The following TOM1 variants were observed in gnomAD, a reference collection of about 807,000 sequenced individuals.
The protein encoded by TOM1 is target of myb1 membrane trafficking protein.
In TOM1, 38 loss-of-function variants were observed where a neutral mutation model predicts 61.3. The observed-to-expected ratio is 0.62, with a 90% CI of 0.48 to 0.81. The LOEUF (loss-of-function observed/expected upper bound fraction) is 0.81. Among genes scored for constraint, TOM1 ranks in the 40% least tolerant of loss-of-function variants. TOM1 has a pLI of 0.00. For synonymous variants in TOM1, 270 were observed against 268.8 expected (o/e 1.00, Z -0.04); for missense variants, 591 against 659.6 (o/e 0.90, Z 1.14).
chr22:35,317,204 T>C (rs1927370122), intron 1 of TOM1, among the ~76,000 whole-genome samples: 1 of 152,180 alleles, frequency 6.6e-6, no homozygotes, highest in South Asian at 2.1e-4. Flanking sequence ...GTTTGTTTGT[T>C]TGTTTTGGAG....
intron 8 of TOM1, among the ~76,000 whole-genome samples, chr22:35,332,603 CACAT>C (rs888939907): frequency 0.04 from 1,216 of 30,704 alleles, 11 homozygotes; most frequent in South Asian, 0.059. Context: ...CACACACACA[CACAT>C]ACACACACAC....
At chr22:35,314,403 A>C (rs774076895) in intron 1 of TOM1, among the ~76,000 whole-genome samples, 16 of 152,084 alleles carry the variant, frequency 1.1e-4, no homozygotes, top group Admixed American at 3.3e-4. Context: ...CTCATGGCTC[A>C]GGAGCTTGCC....
chr22:35,323,373 G>A lies in TOM1; in HGVS notation c.367-123G>A. ...GCGTGCTTTGCTGTGGAGTGGGCAG[G>A]GCAGATGTAGTTAAAAAAAAAAAAA... On this transcript the variant is annotated intron_variant, in intron 4 of 14. Transcript: ENST00000449058. This position sits in a 1 kb window ranked among gnomAD's most constrained non-coding sequence, Gnocchi z 4.2. The A allele has an allele frequency of 1.4e-6, 2 of 1,408,772 alleles. No individual in the cohort carries two copies. Among genetic ancestry groups the A allele is most frequent in the Non-Finnish European group, 1.9e-6 (2 of 1,036,314 alleles). 87.3% of individuals were successfully genotyped at this position (1,408,772 alleles called of 1,614,324 possible).
At chr22:35,327,437 GC>G in intron 7 of TOM1, 50 bp downstream of exon 7, 1 of 1,287,156 alleles carries the variant, frequency 7.8e-7, no homozygotes, top group Non-Finnish European at 1.1e-6. Flanking sequence ...CTGCCCAGCT[GC>G]CCACATGCAT....
chr22:35,317,274 C>G, intron 1 of TOM1, among the ~76,000 whole-genome samples: 1 of 152,164 alleles, frequency 6.6e-6, no homozygotes, highest in East Asian at 1.9e-4. Flanking sequence ...TTTGCAACCT[C>G]CGCCTCCTGG....
chr22:35,301,243 T>C (rs1022798637), intron 1 of TOM1, among the ~76,000 whole-genome samples: 3 of 150,654 alleles, frequency 2.0e-5, no homozygotes, highest in African/African-American at 4.9e-5. Flanking sequence ...CACATACACA[T>C]ACACACACAC....
At chr22:35,321,855 A>G in intron 2 of TOM1, 104 bp from the exon 3 acceptor site, 1 of 947,858 alleles carries the variant, frequency 1.1e-6, no homozygotes, top group Non-Finnish European at 1.7e-6. Context: ...CAGGTGGGGC[A>G]CAGGGAGGAT....
At chr22:35,324,034 C>G (rs1928094129) in intron 6 of TOM1, 120 bp downstream of exon 6, 1 of 1,260,310 alleles carries the variant, frequency 7.9e-7, no homozygotes, top group Non-Finnish European at 1.1e-6. Context: ...CAGCAGCCCA[C>G]AGGGTATGTG....
chr22:35,333,426 C>A lies in TOM1; in HGVS notation c.956C>A (p.Ala319Glu). 1 of 1,614,082 alleles carries A rather than the reference C, an allele frequency of 6.2e-7. No individual in the cohort carries two copies. The highest frequency in any genetic ancestry group is 8.5e-7 in the Non-Finnish European group (1 of 1,179,994). ...TTKAPSEAEPAADLIDMGPDP... is the reference protein window; with the variant it reads ...TTKAPSEAEPEADLIDMGPDP... ...CAGGCCCCAAGTGAGGCCGAGCCGG[C>A]AGCTGACCTGATCGACATGGGCCCT... The change falls in exon 10 of 15, where the codon GCA becomes GAA. Residue 319 changes from alanine (A) to glutamate (E), a missense_variant. Physicochemically the swap from Ala to Glu is moderately radical, Grantham distance 107 (BLOSUM62 -1). Coordinates refer to ENST00000449058, the MANE Select transcript of TOM1 (RefSeq NM_005488.3).
chr22:35,332,304 G>A (rs915905797), intron 8 of TOM1, among the ~76,000 whole-genome samples: 1 of 152,102 alleles, frequency 6.6e-6, no homozygotes, highest in Non-Finnish European at 1.5e-5. Context: ...CAGTCATTAG[G>A]CTTAATATCT....
At chr22:35,305,873 C>T (rs910712462) in intron 1 of TOM1, among the ~76,000 whole-genome samples, 1 of 150,796 alleles carries the variant, frequency 6.6e-6, no homozygotes, top group African/African-American at 2.4e-5. Flanking sequence ...GTGGGGAGGG[C>T]GACTATAAAG....
At chr22:35,327,051 G>C (rs1166313296) in intron 6 of TOM1, among the ~76,000 whole-genome samples, 1 of 152,312 alleles carries the variant, frequency 6.6e-6, no homozygotes, top group Non-Finnish European at 1.5e-5. Context: ...GATGGTAACG[G>C]TTGGTAGCGC....
intron 1 of TOM1, among the ~76,000 whole-genome samples, chr22:35,301,440 C>G (rs190612606): frequency 1.3e-5 from 2 of 152,146 alleles, no homozygotes; most frequent in East Asian, 1.9e-4. Flanking sequence ...ACCATGAGAA[C>G]CGACATGCCT....
intron 1 of TOM1, among the ~76,000 whole-genome samples, chr22:35,313,078 G>C (rs1926974297): frequency 6.6e-6 from 1 of 152,140 alleles, no homozygotes; most frequent in Admixed American, 6.5e-5. Context: ...AGTGGGCAGT[G>C]GCTCACACCT....
chr22:35,333,573 C>T (rs1282496017), intron 10 of TOM1, 76 bp downstream of exon 10: 2 of 1,335,416 alleles, frequency 1.5e-6, no homozygotes, highest in Non-Finnish European at 1.1e-6. Flanking sequence ...TTCGGGGTGC[C>T]CTTGTTATAT....
intron 6 of TOM1, among the ~76,000 whole-genome samples, chr22:35,325,620 A>G (rs1331636831): frequency 6.6e-6 from 1 of 152,236 alleles, no homozygotes; most frequent in African/African-American, 2.4e-5. Context: ...AAATTAAATG[A>G]GTGCTGACAG....
intron 12 of TOM1, among the ~76,000 whole-genome samples, chr22:35,343,806 ACCT>A (rs1930244219): frequency 1.4e-5 from 2 of 142,868 alleles, no homozygotes; most frequent in African/African-American, 5.3e-5. Context: ...ACCTACCCAC[ACCT>A]ACACCTACAC....
In TOM1 at chr22:35,347,116, C is replaced by T. The variant is rs1281129146; in HGVS notation, c.1386C>T (p.Ser462=). 2 of 1,613,566 alleles carry T rather than the reference C, an allele frequency of 1.2e-6. No homozygotes were observed. The highest frequency in any genetic ancestry group is 1.7e-6 in the Non-Finnish European group (2 of 1,179,814). Residue 462 remains serine (S), a synonymous_variant, in exon 15 of 15, where the codon AGC becomes AGT. Transcript: ENST00000449058. ...KAADRLPNLS[S]PSAEGPPGPP... ...CGGACCGATTGCCCAACCTCTCCAG[C>T]CCCTCAGCTGAGGGGCCCCCGGGTC...
In TOM1 at chr22:35,333,003, C is replaced by T; in HGVS notation, c.922C>T (p.Gln308Ter). ...TAGGTTTGAACGGTTCCGAACAGGC[C>T]AGACCACCAAGGTAAAAGTCTTCTT... is the stretch of plus-strand genomic sequence containing the variant. ...HERFERFRTG[Q>*]TTKAPSEAEP... Residue 308 changes from glutamine (Q) to a stop codon, truncating the protein, a stop_gained, in exon 9 of 15, where the codon CAG becomes TAG. Transcript: ENST00000449058. LOFTEE classifies it high-confidence loss of function. The T allele has an allele frequency of 6.2e-7, 1 of 1,614,206 alleles. No homozygotes were observed. The highest frequency in any genetic ancestry group is 8.5e-7 in the Non-Finnish European group (1 of 1,180,042).
Sources: allele counts gnomAD v4.1 joint callset (sites outside exome capture counted in the v4.1 genomes callset), GRCh38; gene constraint gnomAD v4.1.1; non-coding constraint Gnocchi (gnomAD v3.1); transcripts MANE v1.5; gene names NCBI Gene and HGNC (gene_info 2026-07-23, HGNC 2026-07-21).